Variants in ARHGAP15 observed in about 807,000 individuals in gnomAD.
ARHGAP15 encodes the protein Rho GTPase activating protein 15.
Under a neutral mutation model 63.7 loss-of-function variants are expected in ARHGAP15, and 51 were observed. The observed-to-expected ratio is 0.80, with a 90% CI of 0.64 to 1.01. ARHGAP15 has a LOEUF of 1.01. ARHGAP15 is among the 50% of genes least tolerant of loss of function. The pLI is 0.00. For missense variants in ARHGAP15, 560 were observed against 564.6 expected, an observed-to-expected ratio of 0.99 and a Z score of 0.08; for synonymous variants, 191 against 193.8, an observed-to-expected ratio of 0.99 and a Z score of 0.12.
At chr2:143,452,154 C>T (rs1409654585) in intron 8 of ARHGAP15, among the ~76,000 whole-genome samples, 1 of 151,978 alleles carries the variant, frequency 6.6e-6, no homozygotes, top group East Asian at 1.9e-4. Context: ...TTTCATTATA[C>T]ACAGAGAATC....
At chr2:143,578,647 C>T (rs527981229) in intron 11 of ARHGAP15, among the ~76,000 whole-genome samples, 1 of 152,176 alleles carries the variant, frequency 6.6e-6, no homozygotes, top group East Asian at 1.9e-4. Flanking sequence ...TGCTTTTATT[C>T]AATAAGAGAA....
At chr2:143,135,801 A>G (rs1689111946) in intron 1 of ARHGAP15, among the ~76,000 whole-genome samples, 1 of 152,142 alleles carries the variant, frequency 6.6e-6, no homozygotes, top group African/African-American at 2.4e-5. Flanking sequence ...CTAGCTCTCT[A>G]AATGTTGGAA....
intron 1 of ARHGAP15, among the ~76,000 whole-genome samples, chr2:143,135,682 C>T (rs918219837): frequency 1.3e-5 from 2 of 152,074 alleles, no homozygotes; most frequent in East Asian, 1.9e-4. Flanking sequence ...CCCTCCTTCC[C>T]TCTTGAAACT....
At chr2:143,435,802 G>C in intron 7 of ARHGAP15, 103 bp downstream of exon 7, 1 of 1,123,736 alleles carries the variant, frequency 8.9e-7, no homozygotes, top group Non-Finnish European at 1.2e-6. Context: ...TAGATCCTAT[G>C]GACTGAGAGG....
intron 13 of ARHGAP15, among the ~76,000 whole-genome samples, chr2:143,755,332 T>C (rs1686538077): frequency 6.6e-6 from 1 of 152,210 alleles, no homozygotes; most frequent in Admixed American, 6.5e-5. Context: ...AGTAGAATTA[T>C]GAGGGATTCT....
intron 11 of ARHGAP15, among the ~76,000 whole-genome samples, chr2:143,586,551 T>C (rs79670364): frequency 0.045 from 6,808 of 152,198 alleles, 167 homozygotes; most frequent in South Asian, 0.071. Flanking sequence ...TTTATTTTGC[T>C]TCTACTTTGA....
At chr2:143,332,633 A>G (rs964133270) in intron 6 of ARHGAP15, among the ~76,000 whole-genome samples, 1 of 152,204 alleles carries the variant, frequency 6.6e-6, no homozygotes, top group Non-Finnish European at 1.5e-5. Flanking sequence ...ATACTTATGA[A>G]TTCATGAAAG....
intron 11 of ARHGAP15, among the ~76,000 whole-genome samples, chr2:143,575,449 A>G (rs1372272788): frequency 1.3e-5 from 2 of 152,120 alleles, no homozygotes; most frequent in Non-Finnish European, 2.9e-5. Flanking sequence ...TGTGAGGGAT[A>G]AGGGGAAGAC....
intron 13 of ARHGAP15, among the ~76,000 whole-genome samples, chr2:143,760,857 T>C (rs1686738052): frequency 6.6e-6 from 1 of 152,180 alleles, no homozygotes; most frequent in South Asian, 2.1e-4. Flanking sequence ...GATGTTTAGA[T>C]ATAAAATTGA....
At chr2:143,144,655 A>C (rs983991388) in intron 1 of ARHGAP15, among the ~76,000 whole-genome samples, 1 of 151,976 alleles carries the variant, frequency 6.6e-6, no homozygotes, top group Non-Finnish European at 1.5e-5. Context: ...CATCATTTTC[A>C]TGCACCTATG....
intron 4 of ARHGAP15, among the ~76,000 whole-genome samples, chr2:143,224,236 A>T (rs1693115346): frequency 6.6e-6 from 1 of 152,226 alleles, no homozygotes; most frequent in Non-Finnish European, 1.5e-5. Context: ...TCGATAGTTA[A>T]GAAAAAATAA....
chr2:143,309,859 T>C (rs1257777996), intron 6 of ARHGAP15, among the ~76,000 whole-genome samples: 1 of 130,898 alleles, frequency 7.6e-6, no homozygotes, highest in East Asian at 2.0e-4. Context: ...CACAGACATA[T>C]ATGAACTTGT....
chr2:143,513,427 T>G (rs543313235), intron 9 of ARHGAP15, among the ~76,000 whole-genome samples: 1 of 152,322 alleles, frequency 6.6e-6, no homozygotes, highest in Non-Finnish European at 1.5e-5. Flanking sequence ...CCAGGTCTTA[T>G]CTCCACTTAT....
chr2:143,233,534 C>A (rs917002304), intron 5 of ARHGAP15, among the ~76,000 whole-genome samples: 8 of 151,902 alleles, frequency 5.3e-5, no homozygotes, highest in African/African-American at 1.7e-4. Flanking sequence ...ACAGTTTCAT[C>A]ATGATGCATA....
intron 11 of ARHGAP15, among the ~76,000 whole-genome samples, chr2:143,587,272 T>G (rs1020606535): frequency 1.3e-5 from 2 of 152,218 alleles, no homozygotes; most frequent in African/African-American, 4.8e-5. Context: ...TTCCCTCATC[T>G]TGGTGCAGAC....
intron 6 of ARHGAP15, among the ~76,000 whole-genome samples, chr2:143,403,817 G>C (rs1688086341): frequency 6.6e-6 from 1 of 151,688 alleles, no homozygotes; most frequent in Admixed American, 6.6e-5. Context: ...TGATTGTTGA[G>C]TTTCTATTAT....
At chr2:143,224,685 C>T (rs920820189) in intron 4 of ARHGAP15, among the ~76,000 whole-genome samples, 10 of 152,088 alleles carry the variant, frequency 6.6e-5, no homozygotes, top group South Asian at 2.1e-4. Flanking sequence ...GATTTGGTTG[C>T]GTATAGAAAA....
chr2:143,276,470 ATTAC>A (rs1474422299), intron 6 of ARHGAP15, among the ~76,000 whole-genome samples: 3 of 152,212 alleles, frequency 2.0e-5, no homozygotes, highest in Non-Finnish European at 4.4e-5. Flanking sequence ...TTTATTTAAT[ATTAC>A]TTCTGGATGA....
chr2:143,444,091 A>G (rs771297805), intron 8 of ARHGAP15, among the ~76,000 whole-genome samples: 19 of 152,302 alleles, frequency 1.2e-4, no homozygotes, highest in Non-Finnish European at 2.4e-4. Flanking sequence ...GTGCTCAAGC[A>G]CTAGATCACC....
Sources: gnomAD v4.1 joint callset for allele counts (sites outside exome capture counted in the v4.1 genomes callset) on GRCh38, gnomAD v4.1.1 for gene constraint, MANE v1.5 for transcripts, NCBI Gene and HGNC (gene_info 2026-07-23, HGNC 2026-07-21) for gene names.